The following TECTB variants were observed in gnomAD, a reference collection of about 807,000 sequenced individuals.
The protein encoded by TECTB is beta-tectorin.
A neutral mutation model predicts 43.3 loss-of-function variants in TECTB; 45 were observed. That is an observed-to-expected ratio of 1.04 (90% CI 0.82 to 1.33). The LOEUF (loss-of-function observed/expected upper bound fraction) is 1.33, where lower values mean the gene tolerates loss of function less well. Among genes scored for constraint, TECTB ranks in the 40% most tolerant of loss-of-function variants. The pLI is 0.00. For missense variants in TECTB, 399 were observed against 404.7 expected (o/e 0.99, Z 0.12); for synonymous variants, 169 against 156.7 (o/e 1.08, Z -0.59).
intron 10 of TECTB, 152 bp downstream of exon 10, chr10:112,302,285 G>A (rs781500221): frequency 1.1e-5 from 9 of 825,622 alleles, no homozygotes; most frequent in East Asian, 2.7e-5. Flanking sequence ...GAGGGGGCGA[G>A]ATCAAGAGGT....
chr10:112,299,514 T>C lies in TECTB; in HGVS notation c.857T>C (p.Leu286Pro). The stretch of plus-strand genomic sequence containing the variant: ...CAGACCTGCGATAAACGGAAGCGCC[T>C]CCTGCGAGACCAGACCGGGGGAGTC... ...CPVTCDKRKR[L>P]LRDQTGGVLV... Residue 286 changes from leucine to proline, a missense_variant, in exon 9 of 11, where the codon CTC (leucine) becomes CCC (proline). Leu to Pro is a moderately conservative substitution (Grantham distance 98). Transcript: ENST00000646139. The C allele has an allele frequency of 1.2e-6, 2 of 1,614,224 alleles. No homozygotes were observed. The highest frequency in any genetic ancestry group is 1.7e-6 in the Non-Finnish European group (2 of 1,180,026).
intron 5 of TECTB, among the ~76,000 whole-genome samples, chr10:112,291,378 T>TATTACAAAGATACATGC (rs1333957384): frequency 1.1e-4 from 16 of 152,202 alleles, no homozygotes; most frequent in African/African-American, 3.6e-4. Context: ...TATATCATTC[T>TATTACAAAGATACATGC]ATTACAAAGA....
At chr10:112,284,406 G>A (rs2133346340) in intron 2 of TECTB, 129 bp from the exon 3 acceptor site, 1 of 863,576 alleles carries the variant, frequency 1.2e-6, no homozygotes. Flanking sequence ...CAGCTGGTGA[G>A]GAATAGCAGG....
intron 9 of TECTB, among the ~76,000 whole-genome samples, chr10:112,300,317 A>AAG (rs35825589): frequency 8.3e-6 from 1 of 120,092 alleles, no homozygotes; most frequent in Non-Finnish European, 1.8e-5. Flanking sequence ...GAAAGAAAGA[A>AAG]AGAGAAAGAA....
At chr10:112,301,069 G>A (rs777386234) in intron 9 of TECTB, among the ~76,000 whole-genome samples, 11 of 152,194 alleles carry the variant, frequency 7.2e-5, no homozygotes, top group Non-Finnish European at 1.6e-4. Flanking sequence ...CAGTTTTCAC[G>A]TTTTTATGTG....
In TECTB at chr10:112,294,028, T is replaced by C. The variant is rs1848523873; in HGVS notation, c.638T>C (p.Met213Thr). Residue 213 changes from methionine to threonine, a missense_variant, in exon 7 of 11, where the codon ATG (methionine) becomes ACG (threonine). By Grantham distance (81) the Met-to-Thr change is moderately conservative. Transcript: ENST00000646139. ...SCWATPSADF[M>T]YPLQWQLINK... is the part of the protein sequence containing the mutation. ...TGGGCCACCCCCTCGGCTGACTTCA[T>C]GTATCCCTTGCAGTGGCAGCTGATC... The C allele has an allele frequency of 6.2e-7, 1 of 1,614,102 alleles. No homozygotes were observed. The highest frequency in any genetic ancestry group is 8.5e-7 in the Non-Finnish European group (1 of 1,180,040).
At chr10:112,302,227 A>G in intron 10 of TECTB, 94 bp downstream of exon 10, 1 of 1,465,584 alleles carries the variant, frequency 6.8e-7, no homozygotes, top group South Asian at 1.2e-5. Context: ...CCCCGGCAAA[A>G]CTTTTAAGGA....
At chr10:112,284,088 T>C (rs111739442) in intron 2 of TECTB, among the ~76,000 whole-genome samples, 6 of 152,168 alleles carry the variant, frequency 3.9e-5, no homozygotes, top group South Asian at 2.1e-4. Context: ...TATATATATA[T>C]AAAACATCTC....
rs1187111415 is a variant in TECTB at position 112,303,388 on chromosome 10, A to G, written c.*76A>G. 1 of 1,570,086 alleles carries G rather than the reference A, an allele frequency of 6.4e-7. No homozygotes were observed. Among genetic ancestry groups the G allele is most frequent in the East Asian group, 2.2e-5 (1 of 44,550 alleles). On this transcript the variant is annotated 3_prime_UTR_variant, in exon 11 of 11. Transcript: ENST00000646139. ...TGACAAACACATTTATTGTGCTGCCAAAAAGAACAAACAGAAGACCACATT... is the reference window on the plus strand; with the variant it reads ...TGACAAACACATTTATTGTGCTGCCGAAAAGAACAAACAGAAGACCACATT...
Position 112,295,940 on chromosome 10 carries a change from T to C in TECTB, c.671+1879T>C, listed in dbSNP as rs116207029. ...AGGGTGCCTATTACGTATGCAGGTG[T>C]ACTGTAAACCTACCAGATCAGAAGG... On this transcript the variant is annotated intron_variant, in intron 7 of 10. Transcript: ENST00000646139. Among the ~76,000 whole-genome samples, 808 of 152,284 alleles carry C rather than the reference T, an allele frequency of 5.3e-3. 14 individuals carry two copies. The highest frequency in any genetic ancestry group is 0.018 in the African/African-American group (764 of 41,552).
intron 3 of TECTB, 65 bp from the exon 4 acceptor site, chr10:112,286,006 C>T: frequency 1.3e-6 from 2 of 1,596,616 alleles, no homozygotes; most frequent in South Asian, 2.3e-5. Context: ...TTGCACTTTT[C>T]CCAGAACCCT....
intron 7 of TECTB, among the ~76,000 whole-genome samples, chr10:112,295,950 C>T (rs1564709175): frequency 6.6e-6 from 1 of 152,270 alleles, no homozygotes; most frequent in East Asian, 1.9e-4. Flanking sequence ...TACTGTAAAC[C>T]TACCAGATCA....
At position 112,283,489 on chromosome 10, in the gene TECTB, T is replaced by C; in HGVS notation, c.-95T>C. On this transcript the variant is annotated 5_prime_UTR_variant, in exon 1 of 11. Coordinates refer to ENST00000646139, the MANE Select transcript of TECTB (RefSeq NM_058222.3). Reference sequence around the variant, plus strand: ...GAACAACTCCATGTGTCATTGACGCTTCCAACGGTATGAGCCCCACTTTTT... The same window carrying C: ...GAACAACTCCATGTGTCATTGACGCCTCCAACGGTATGAGCCCCACTTTTT... 2 of 514,690 alleles carry C rather than the reference T, an allele frequency of 3.9e-6. No individual in the cohort carries two copies. Among genetic ancestry groups the C allele is most frequent in the Non-Finnish European group, 6.9e-6 (2 of 290,270 alleles). The allele number at this position is 514,690 out of a possible 1,614,324, so 31.9% of individuals were successfully genotyped here.
chr10:112,300,442 C>G (rs1485308080), intron 9 of TECTB, among the ~76,000 whole-genome samples: 2 of 152,110 alleles, frequency 1.3e-5, no homozygotes, highest in Non-Finnish European at 2.9e-5. Flanking sequence ...CCTGGCCTGG[C>G]AGGGCACTAG....
At chr10:112,297,245 C>T (rs1160916398) in intron 7 of TECTB, among the ~76,000 whole-genome samples, 1 of 152,134 alleles carries the variant, frequency 6.6e-6, no homozygotes, top group Admixed American at 6.5e-5. Context: ...ATACCAGCAG[C>T]ACTTCCCCCA....
In TECTB at chr10:112,298,093, C is replaced by T. The variant is rs201583441; in HGVS notation, c.696C>T (p.Leu232=). 8 of 1,614,208 alleles carry T rather than the reference C, an allele frequency of 5.0e-6. No homozygotes were observed. The highest frequency in any genetic ancestry group is 2.7e-5 in the African/African-American group (2 of 75,064). ...GCTGCCCCACGGATGAAACCGTCCT[C>T]GTGCATGAGAATGGGAGAGATCACA... ...NKGCPTDETV[L]VHENGRDHRA... Residue 232 remains leucine (L), a synonymous_variant, in exon 8 of 11, where the codon CTC becomes CTT. Transcript: ENST00000646139.
chr10:112,301,273 T>C lies in TECTB; in HGVS notation c.908-828T>C, dbSNP rs558690893. On this transcript the variant is annotated intron_variant, in intron 9 of 10. Coordinates refer to ENST00000646139, the MANE Select transcript of TECTB (RefSeq NM_058222.3). ...GAATACAAAAATTATCCGGGAGTGGTGGTGCACACTTGTAGTCCCAGTACT... is the reference window on the plus strand; with the variant it reads ...GAATACAAAAATTATCCGGGAGTGGCGGTGCACACTTGTAGTCCCAGTACT... Among the ~76,000 whole-genome samples, 228 of 152,064 alleles carry C rather than the reference T, an allele frequency of 1.5e-3. 1 individual carries two copies. The highest frequency in any genetic ancestry group is 3.4e-3 in the Middle Eastern group (1 of 294).
Position 112,283,712 on chromosome 10 carries a change from C to T in TECTB, c.-23C>T. 1 of 1,611,402 alleles carries T rather than the reference C, an allele frequency of 6.2e-7. No homozygotes were observed. The highest frequency in any genetic ancestry group is 8.5e-7 in the Non-Finnish European group (1 of 1,177,932). ...TGGCCAGCTTGGTTTGGATACCTGG[C>T]AGAGACCAGGTTCTGAGAAGCAATG... On this transcript the variant is annotated 5_prime_UTR_variant, in exon 2 of 11. Transcript: ENST00000646139.
intron 5 of TECTB, among the ~76,000 whole-genome samples, chr10:112,287,770 T>C (rs938316604): frequency 9.2e-5 from 14 of 152,208 alleles, no homozygotes; most frequent in African/African-American, 2.4e-4. Context: ...CTAGATATGG[T>C]CACTTTACTT....
Sources: allele counts gnomAD v4.1 joint callset (sites outside exome capture counted in the v4.1 genomes callset), GRCh38; gene constraint gnomAD v4.1.1; transcripts MANE v1.5; gene names NCBI Gene and HGNC (gene_info 2026-07-23, HGNC 2026-07-21).